Variants in ANGPT1 observed in about 807,000 individuals in gnomAD.
ANGPT1 encodes angiopoietin-1.
ANGPT1 carries 17 observed loss-of-function variants against 62.2 expected under a neutral mutation model. The observed-to-expected ratio is 0.27, with a 90% CI of 0.19 to 0.41. The LOEUF (loss-of-function observed/expected upper bound fraction) is 0.41. Among genes scored for constraint, ANGPT1 ranks in the 10% least tolerant of loss-of-function variants. ANGPT1 has a pLI of 1.00. For synonymous variants in ANGPT1, 199 were observed against 198.9 expected (o/e 1.00, Z 0.00); for missense variants, 478 against 594.9 (o/e 0.80, Z 2.04).
chr8:107,362,172 A>G, intron 1 of ANGPT1, among the ~76,000 whole-genome samples: 1 of 152,348 alleles, frequency 6.6e-6, no homozygotes, highest in South Asian at 2.1e-4. Context: ...ATGAGCATTT[A>G]CTCAGTAAGT....
intron 1 of ANGPT1, among the ~76,000 whole-genome samples, chr8:107,392,102 G>A (rs985340496): frequency 9.9e-5 from 15 of 151,998 alleles, no homozygotes; most frequent in African/African-American, 3.1e-4. Flanking sequence ...TGATATCCTG[G>A]TATGCGAAAT....
At chr8:107,491,570 A>G (rs1352265436) in intron 1 of ANGPT1, among the ~76,000 whole-genome samples, 1 of 152,134 alleles carries the variant, frequency 6.6e-6, no homozygotes, top group Non-Finnish European at 1.5e-5. Flanking sequence ...TGCAAAGATC[A>G]GGGGGAAGAA....
intron 1 of ANGPT1, among the ~76,000 whole-genome samples, chr8:107,375,732 G>T (rs1816518119): frequency 6.6e-6 from 1 of 152,112 alleles, no homozygotes; most frequent in African/African-American, 2.4e-5. Flanking sequence ...GAAGCAGAGA[G>T]GAAAGTACCA....
At position 107,464,062 on chromosome 8, in the gene ANGPT1, T is replaced by C. The variant is rs1247475956; in HGVS notation, c.297+33200A>G. On this transcript the variant is annotated intron_variant, in intron 1 of 8. Coordinates refer to ENST00000517746, the MANE Select transcript of ANGPT1 (RefSeq NM_001146.5). ...ATACGTGAGAGCCAATTTAGTGTGG[T>C]GAGTAAGAACATAAATTCTGAAACC... Among the ~76,000 whole-genome samples the C allele has an allele frequency of 2.6e-5, 4 of 152,300 alleles. No homozygotes were observed. In the South Asian group the frequency reaches 8.3e-4, roughly 32 times the overall value.
Position 107,380,420 on chromosome 8 carries a change from G to A in ANGPT1, c.298-33323C>T, listed in dbSNP as rs189193689. Among the ~76,000 whole-genome samples the A allele has an allele frequency of 7.0e-3, 1,055 of 150,520 alleles. 7 individuals are homozygous for A. The highest frequency in any genetic ancestry group is 0.031 in the South Asian group (148 of 4,762). ...CAAAAACACATCTGACTATATATAC[G>A]TATATATATGTATATATAGTGACAA... On this transcript the variant is annotated intron_variant, in intron 1 of 8. Transcript: ENST00000517746.
At chr8:107,264,864 C>T (rs947206824) in intron 7 of ANGPT1, among the ~76,000 whole-genome samples, 4 of 152,074 alleles carry the variant, frequency 2.6e-5, no homozygotes, top group African/African-American at 9.7e-5. Context: ...AATTTGTATA[C>T]TAAGGTTTAG....
chr8:107,294,249 A>C (rs1814356017), intron 5 of ANGPT1: 1 of 401,020 alleles, frequency 2.5e-6, no homozygotes, highest in Non-Finnish European at 4.4e-6. Flanking sequence ...ATCAATGATG[A>C]ATAAATTACA....
intron 1 of ANGPT1, 123 bp downstream of exon 1, chr8:107,497,139 C>G: frequency 8.4e-7 from 1 of 1,185,340 alleles, no homozygotes; most frequent in Non-Finnish European, 1.2e-6. Context: ...CTTGCAATTG[C>G]AAACACTGCC....
intron 1 of ANGPT1, among the ~76,000 whole-genome samples, chr8:107,446,287 A>AT (rs1209859614): frequency 5.9e-5 from 9 of 152,306 alleles, no homozygotes; most frequent in African/African-American, 2.2e-4. Context: ...TATTTGTCAG[A>AT]TTTTTATATA....
chr8:107,288,595 T>C (rs1333916363), intron 6 of ANGPT1, among the ~76,000 whole-genome samples: 1 of 152,018 alleles, frequency 6.6e-6, no homozygotes, highest in Non-Finnish European at 1.5e-5. Flanking sequence ...ATGTAAAAGG[T>C]TGCACATGTA....
At chr8:107,302,879 G>A (rs545720498) in intron 5 of ANGPT1, among the ~76,000 whole-genome samples, 9 of 152,020 alleles carry the variant, frequency 5.9e-5, no homozygotes, top group Middle Eastern at 3.4e-3. Context: ...TTTGGATAAT[G>A]TGTGTTCTCT....
At chr8:107,315,144 T>C (rs1814984664) in intron 4 of ANGPT1, among the ~76,000 whole-genome samples, 1 of 152,146 alleles carries the variant, frequency 6.6e-6, no homozygotes, top group Non-Finnish European at 1.5e-5. Flanking sequence ...GCAATCAGCT[T>C]CTGGGAAAGG....
At chr8:107,411,306 G>T (rs1006818528) in intron 1 of ANGPT1, among the ~76,000 whole-genome samples, 4 of 152,092 alleles carry the variant, frequency 2.6e-5, no homozygotes, top group African/African-American at 7.2e-5. Context: ...TCAAAGACCA[G>T]CTAAATATAA....
intron 1 of ANGPT1, among the ~76,000 whole-genome samples, chr8:107,362,338 G>T (rs1359334593): frequency 6.6e-6 from 1 of 152,134 alleles, no homozygotes; most frequent in Non-Finnish European, 1.5e-5. Flanking sequence ...TTCTCTACAA[G>T]ATTGTAAAAA....
chr8:107,481,057 T>C (rs1200237434), intron 1 of ANGPT1, among the ~76,000 whole-genome samples: 1 of 152,174 alleles, frequency 6.6e-6, no homozygotes, highest in Non-Finnish European at 1.5e-5. Flanking sequence ...AGTTTGCCAA[T>C]GCTTAGCATG....
chr8:107,467,831 C>A (rs774364749), intron 1 of ANGPT1, among the ~76,000 whole-genome samples: 1 of 152,052 alleles, frequency 6.6e-6, no homozygotes, highest in Non-Finnish European at 1.5e-5. Context: ...TAATAGCAAG[C>A]CATTGATAAA....
intron 3 of ANGPT1, among the ~76,000 whole-genome samples, chr8:107,331,840 T>C (rs1224453049): frequency 6.6e-6 from 1 of 152,170 alleles, no homozygotes; most frequent in Admixed American, 6.5e-5. Flanking sequence ...ATCTTCACTC[T>C]GCATACTCAG....
intron 1 of ANGPT1, among the ~76,000 whole-genome samples, chr8:107,375,607 A>G (rs1487476369): frequency 6.6e-6 from 1 of 152,186 alleles, no homozygotes; most frequent in Non-Finnish European, 1.5e-5. Context: ...TGTATTGAGC[A>G]CACATGAGTG....
At chr8:107,462,298 C>T (rs150272963) in intron 1 of ANGPT1, among the ~76,000 whole-genome samples, 22 of 151,928 alleles carry the variant, frequency 1.4e-4, no homozygotes, top group African/African-American at 4.8e-4. Context: ...CTTCTCACTG[C>T]CATCTCTTAA....
Sources: allele counts gnomAD v4.1 joint callset (sites outside exome capture counted in the v4.1 genomes callset), GRCh38; gene constraint gnomAD v4.1.1; transcripts MANE v1.5; gene names NCBI Gene and HGNC (gene_info 2026-07-23, HGNC 2026-07-21).